Variants in SLC2A12 observed in about 807,000 individuals in gnomAD.
The protein encoded by SLC2A12 is solute carrier family 2 member 12, also known as solute carrier family 2, facilitated glucose transporter member 12.
A neutral mutation model predicts 41.8 loss-of-function variants in SLC2A12; 23 were observed. The ratio of observed to expected loss-of-function variants is 0.55; its 90% CI spans 0.40 to 0.78. SLC2A12 has a LOEUF of 0.78. SLC2A12 is among the 30% of genes least tolerant of loss of function. The pLI is 0.00. For synonymous variants in SLC2A12, 295 were observed against 285.9 expected (o/e 1.03, Z -0.32); for missense variants, 654 against 745.6 (o/e 0.88, Z 1.43).
At chr6:134,050,468 A>G (rs953169308) in intron 1 of SLC2A12, among the ~76,000 whole-genome samples, 2 of 152,220 alleles carry the variant, frequency 1.3e-5, no homozygotes, top group African/African-American at 4.8e-5. Context: ...TTGCACTTTA[A>G]GTTGAATTTT....
chr6:133,999,815 T>C (rs539879376), intron 4 of SLC2A12, among the ~76,000 whole-genome samples: 1 of 152,326 alleles, frequency 6.6e-6, no homozygotes, highest in Admixed American at 6.5e-5. Flanking sequence ...TGCCTTGTTA[T>C]GCAGCAATGG....
rs1014795332 is a variant in SLC2A12, at chr6:133,987,660, A to ATATATATATATATATATATATATATATG, written c.*3494_*3495insCATATATATATATATATATATATATATA. ...TGTGTGTGTGTGTGTATATATATATATATATATGCACCACATGTGTATAGT... is the reference window on the plus strand; with the variant it reads ...TGTGTGTGTGTGTGTATATATATATATATATATATATATATATATATATATATGTATATATGCACCACATGTGTATAGT... On this transcript the variant is annotated 3_prime_UTR_variant, in exon 5 of 5. Coordinates refer to ENST00000275230, the MANE Select transcript of SLC2A12 (RefSeq NM_145176.3). The ATATATATATATATATATATATATATATG allele has an allele frequency of 1.4e-4, 21 of 145,090 alleles. No homozygotes were observed. The highest frequency in any genetic ancestry group is 4.4e-4 in the South Asian group (2 of 4,522). 9.0% of individuals were successfully genotyped at this position (145,090 alleles called of 1,614,324 possible).
chr6:134,012,209 T>C (rs189689633), intron 2 of SLC2A12, among the ~76,000 whole-genome samples: 47 of 152,350 alleles, frequency 3.1e-4, no homozygotes, highest in African/African-American at 1.1e-3. Flanking sequence ...AAGAATATTA[T>C]CTTGGATTAC....
chr6:134,005,278 T>C (rs1226933997), intron 3 of SLC2A12, among the ~76,000 whole-genome samples: 4 of 152,186 alleles, frequency 2.6e-5, no homozygotes, highest in Non-Finnish European at 5.9e-5. Context: ...CCTTGCCTTA[T>C]TTCCGACATA....
intron 3 of SLC2A12, 26 bp downstream of exon 3, chr6:134,006,786 A>T: frequency 6.2e-7 from 1 of 1,613,452 alleles, no homozygotes; most frequent in Non-Finnish European, 8.5e-7. Flanking sequence ...GACCAAAGAC[A>T]TTAGAGGAAA....
chr6:134,032,452 A>ATT lies in SLC2A12; in HGVS notation c.104-2732_104-2731insAA, dbSNP rs1562201706. Among the ~76,000 whole-genome samples, 42 of 34,846 alleles carry ATT rather than the reference A, an allele frequency of 1.2e-3. 1 individual carries two copies. Among genetic ancestry groups the ATT allele is most frequent in the African/African-American group, 5.3e-3 (42 of 7,880 alleles). 22.9% of individuals were successfully genotyped at this position (34,846 alleles called of 152,430 possible). A position where few individuals can be genotyped will look rare whatever the true frequency, so the allele number is the denominator to read the frequency against. On this transcript the variant is annotated intron_variant, in intron 1 of 4. Coordinates refer to ENST00000275230, the MANE Select transcript of SLC2A12 (RefSeq NM_145176.3). ...TATATATATATATATATATATAAAT[A>ATT]TATATATATATATTTTTATATATAT...
intron 1 of SLC2A12, 29 bp from the exon 2 acceptor site, chr6:134,029,750 T>C: frequency 6.4e-7 from 1 of 1,554,564 alleles, no homozygotes; most frequent in Non-Finnish European, 8.6e-7. Context: ...GACAGGGAGG[T>C]CAGTTCTCAG....
chr6:133,988,391 G>C lies in SLC2A12; in HGVS notation c.*2764C>G, dbSNP rs771476337. The C allele has an allele frequency of 7.9e-5, 12 of 152,162 alleles. No individual in the cohort carries two copies. The highest frequency in any genetic ancestry group is 1.6e-4 in the Non-Finnish European group (11 of 68,012). The allele number at this position is 152,162 out of a possible 1,614,324, so 9.4% of individuals were successfully genotyped here. On this transcript the variant is annotated 3_prime_UTR_variant, in exon 5 of 5. Coordinates refer to ENST00000275230, the MANE Select transcript of SLC2A12 (RefSeq NM_145176.3). Reference sequence around the variant, plus strand: ...TGATTATACCTAGAAATAAAGCTGAGTGGAGAGTCCAATTAGCTTCTCAGG... The same window carrying C: ...TGATTATACCTAGAAATAAAGCTGACTGGAGAGTCCAATTAGCTTCTCAGG...
In SLC2A12 at chr6:134,029,557, C is replaced by T. The variant is rs1777169151; in HGVS notation, c.268G>A (p.Ala90Thr). 6.2e-7 allele frequency: 1 copy of T among 1,614,084 alleles called. No individual in the cohort carries two copies. The highest frequency in any genetic ancestry group is 8.5e-7 in the Non-Finnish European group (1 of 1,180,010). ...EMVVSSLVIG[A>T]LLASLTGGVL... is the part of the protein sequence containing the mutation. Reference sequence around the variant, plus strand: ...CCTCCGGTGAGTGAGGCAAGGAGGGCTCCAATGACGAGGGAGCTCACAACC... The same window carrying T: ...CCTCCGGTGAGTGAGGCAAGGAGGGTTCCAATGACGAGGGAGCTCACAACC... The change falls in exon 2 of 5, where the codon GCC becomes ACC. Residue 90 changes from alanine (A) to threonine (T), a missense_variant. This residue lies in a region of SLC2A12 where 109 missense variants were observed against 153.0 expected (regional missense o/e 0.71). Coordinates refer to ENST00000275230, the MANE Select transcript of SLC2A12 (RefSeq NM_145176.3).
chr6:134,027,543 T>C (rs1277759194), intron 2 of SLC2A12, among the ~76,000 whole-genome samples: 1 of 149,418 alleles, frequency 6.7e-6, no homozygotes. Flanking sequence ...GAGGTGGGGG[T>C]AATAGAGGCT....
chr6:134,025,281 G>C (rs527979684), intron 2 of SLC2A12, among the ~76,000 whole-genome samples: 1 of 152,168 alleles, frequency 6.6e-6, no homozygotes, highest in South Asian at 2.1e-4. Context: ...AATTTCAGAA[G>C]ATAAAACATG....
chr6:134,018,576 T>C (rs1013678851), intron 2 of SLC2A12, among the ~76,000 whole-genome samples: 1 of 152,188 alleles, frequency 6.6e-6, no homozygotes, highest in African/African-American at 2.4e-5. Flanking sequence ...GCCTTCTTCA[T>C]ACAAACGTTG....
At chr6:134,039,896 G>T (rs2114500074) in intron 1 of SLC2A12, among the ~76,000 whole-genome samples, 1 of 152,198 alleles carries the variant, frequency 6.6e-6, no homozygotes, top group Non-Finnish European at 1.5e-5. Context: ...TTTTCACAAT[G>T]TGATGTACCT....
At position 134,044,110 on chromosome 6, in the gene SLC2A12, C is replaced by A. The variant is rs558324657; in HGVS notation, c.103+8268G>T. 3.3e-5 allele frequency among the ~76,000 whole-genome samples: 5 copies of A among 152,286 alleles called. No homozygotes were observed. In the East Asian group the frequency reaches 9.7e-4, roughly 30 times the overall value. On this transcript the variant is annotated intron_variant, in intron 1 of 4. Transcript: ENST00000275230. ...ACTGGCCTCAGTTACACGTGCTCGGCTCAACTTAGCCATCCTGTCTTCCAG... is the reference window on the plus strand; with the variant it reads ...ACTGGCCTCAGTTACACGTGCTCGGATCAACTTAGCCATCCTGTCTTCCAG...
At chr6:134,034,743 C>G (rs1477386449) in intron 1 of SLC2A12, among the ~76,000 whole-genome samples, 1 of 152,126 alleles carries the variant, frequency 6.6e-6, no homozygotes, top group African/African-American at 2.4e-5. Context: ...TGGGCAGCCA[C>G]GTGGACTGAG....
At chr6:134,047,069 T>C (rs1045056638) in intron 1 of SLC2A12, among the ~76,000 whole-genome samples, 1 of 152,324 alleles carries the variant, frequency 6.6e-6, no homozygotes, top group African/African-American at 2.4e-5. Flanking sequence ...TGAAAAATCA[T>C]CCGCATTTGA....
At chr6:133,991,364 T>C (rs2114410356) in intron 4 of SLC2A12, 56 bp from the exon 5 acceptor site, 1 of 1,570,310 alleles carries the variant, frequency 6.4e-7, no homozygotes, top group South Asian at 1.2e-5. Context: ...ATGAAAAAAA[T>C]GTGTAGGCTA....
At chr6:134,010,834 G>T (rs1037917640) in intron 2 of SLC2A12, among the ~76,000 whole-genome samples, 2 of 152,178 alleles carry the variant, frequency 1.3e-5, no homozygotes, top group Non-Finnish European at 2.9e-5. Flanking sequence ...ATTCATAGGG[G>T]TATTCAATGG....
At chr6:133,997,414 T>C (rs1776709478) in intron 4 of SLC2A12, among the ~76,000 whole-genome samples, 1 of 152,180 alleles carries the variant, frequency 6.6e-6, no homozygotes, top group East Asian at 1.9e-4. Context: ...CAGGTGTCCA[T>C]GAGCAGTGGA....
Sources: allele counts gnomAD v4.1 joint callset (sites outside exome capture counted in the v4.1 genomes callset), GRCh38; gene constraint gnomAD v4.1.1; regional missense constraint gnomAD v4.1.1; transcripts MANE v1.5; gene names NCBI Gene and HGNC (gene_info 2026-07-23, HGNC 2026-07-21).